PLEKHA5: variants seen among roughly 807,000 people sequenced by gnomAD.
PLEKHA5 encodes the protein pleckstrin homology domain-containing family A member 5.
Under a neutral mutation model 181.9 loss-of-function variants are expected in PLEKHA5, and 55 were observed. The observed-to-expected ratio is 0.30, with a 90% CI of 0.24 to 0.38. The LOEUF is 0.38. Among genes scored for constraint, PLEKHA5 ranks in the 10% least tolerant of loss-of-function variants. The probability of loss-of-function intolerance (pLI) is 1.00; values close to 1 mark genes in which losing one functional copy is unlikely to be tolerated. For missense variants in PLEKHA5, 1,432 were observed against 1,549.5 expected (o/e 0.92, Z 1.27); for synonymous variants, 535 against 529.4 (o/e 1.01, Z -0.15).
chr12:19,289,593 C>T (rs559170600), intron 13 of PLEKHA5, among the ~76,000 whole-genome samples: 1 of 152,138 alleles, frequency 6.6e-6, no homozygotes, highest in Admixed American at 6.5e-5. Context: ...ATAAGAATGC[C>T]AATGATCATA....
intron 28 of PLEKHA5, among the ~76,000 whole-genome samples, chr12:19,361,302 C>A (rs1322668425): frequency 6.6e-6 from 1 of 152,168 alleles, no homozygotes; most frequent in Non-Finnish European, 1.5e-5. Context: ...CCTGCCTCAG[C>A]CTCCCGAGTA....
intron 15 of PLEKHA5, among the ~76,000 whole-genome samples, chr12:19,310,547 T>G (rs1426588350): frequency 4.1e-5 from 6 of 146,364 alleles, no homozygotes; most frequent in African/African-American, 1.5e-4. Flanking sequence ...GAGGCAGAGG[T>G]TGAAGTGAGC....
At chr12:19,294,266 CTT>C (rs1485564571) in intron 15 of PLEKHA5, among the ~76,000 whole-genome samples, 2 of 152,032 alleles carry the variant, frequency 1.3e-5, no homozygotes, top group Admixed American at 6.6e-5. Flanking sequence ...ATTTAGATAA[CTT>C]TGAATTTTAA....
rs1213402959 is a variant in PLEKHA5, at chr12:19,314,900, GTC to G, written c.2118+8_2118+9del. The stretch of plus-strand genomic sequence containing the variant: ...GACCCCAACTGTACCAGCAAGTAAG[GTC>G]TTGGACAGTGAATGATACTGCTTTA... On this transcript the variant is annotated splice_region_variant and intron_variant, in intron 16 of 31. Transcript: ENST00000429027. 1.4e-6 allele frequency: 2 copies of G among 1,471,702 alleles called. No homozygotes were observed. Among genetic ancestry groups the G allele is most frequent in the African/African-American group, 2.8e-5 (2 of 71,428 alleles). 91.2% of individuals were successfully genotyped at this position (1,471,702 alleles called of 1,614,324 possible).
At chr12:19,375,387 T>A (rs2095691679) in intron 31 of PLEKHA5, 144 bp from the exon 32 acceptor site, 1 of 152,176 alleles carries the variant, frequency 6.6e-6, no homozygotes, top group Non-Finnish European at 1.5e-5. Flanking sequence ...AAGAAAAATA[T>A]CCTTTGATGT....
chr12:19,181,513 G>A (rs1215525013), intron 3 of PLEKHA5, among the ~76,000 whole-genome samples: 2 of 152,176 alleles, frequency 1.3e-5, no homozygotes, highest in African/African-American at 2.4e-5. Context: ...GGTGGCTAAC[G>A]CCTGTAATCT....
intron 15 of PLEKHA5, among the ~76,000 whole-genome samples, chr12:19,303,944 T>C (rs913917964): frequency 3.4e-5 from 5 of 149,010 alleles, no homozygotes; most frequent in Non-Finnish European, 6.0e-5. Context: ...GCCTCTCAAG[T>C]AACTGGGACC....
chr12:19,294,361 G>A (rs539676490), intron 15 of PLEKHA5, among the ~76,000 whole-genome samples: 17 of 152,112 alleles, frequency 1.1e-4, no homozygotes, highest in Non-Finnish European at 2.2e-4. Context: ...TACCAGGTCC[G>A]TTGCTTTTGT....
At chr12:19,203,331 G>A (rs1362683232) in intron 3 of PLEKHA5, among the ~76,000 whole-genome samples, 2 of 152,038 alleles carry the variant, frequency 1.3e-5, no homozygotes, top group African/African-American at 4.8e-5. Context: ...CCAGGGTATA[G>A]AACACTTCTT....
chr12:19,181,177 G>GT (rs1274008154), intron 3 of PLEKHA5, among the ~76,000 whole-genome samples: 1 of 152,126 alleles, frequency 6.6e-6, no homozygotes, highest in Non-Finnish European at 1.5e-5. Context: ...ATAGCACATT[G>GT]GATAGCCACA....
intron 3 of PLEKHA5, among the ~76,000 whole-genome samples, chr12:19,252,867 A>G (rs1166016516): frequency 6.6e-6 from 1 of 151,856 alleles, no homozygotes; most frequent in Non-Finnish European, 1.5e-5. Context: ...GTGCCCATAT[A>G]GTAGTACTGT....
At chr12:19,259,312 A>T (rs2067717082) in intron 6 of PLEKHA5, among the ~76,000 whole-genome samples, 1 of 152,066 alleles carries the variant, frequency 6.6e-6, no homozygotes, top group South Asian at 2.1e-4. Flanking sequence ...GCTTGCAGTG[A>T]GGTATGATCA....
Position 19,336,634 on chromosome 12 carries a change from TC to T in PLEKHA5, c.2550+19del. 7.3e-7 allele frequency: 1 copy of T among 1,369,358 alleles called. No individual in the cohort carries two copies. Among genetic ancestry groups the T allele is most frequent in the Non-Finnish European group, 1.0e-6 (1 of 961,612 alleles). 84.8% of individuals were successfully genotyped at this position (1,369,358 alleles called of 1,614,324 possible). A position where few individuals can be genotyped will look rare whatever the true frequency, so the allele number is the denominator to read the frequency against. On this transcript the variant is annotated intron_variant, in intron 21 of 31. Transcript: ENST00000429027. ...AAGTTCAGGTACAAAAGTATAATAT[TC>T]TTTATATTGTTTTAACTGTTTTTAC...
intron 15 of PLEKHA5, among the ~76,000 whole-genome samples, chr12:19,305,871 AAAAAAAAAAAAAAC>A (rs2083251433): frequency 7.5e-6 from 1 of 133,754 alleles, no homozygotes; most frequent in African/African-American, 2.9e-5. Context: ...CAAAAAAAAA[AAAAAAAAAAAAAAC>A]AACTATGAAG....
chr12:19,205,616 C>T (rs1289000326), intron 3 of PLEKHA5, among the ~76,000 whole-genome samples: 1 of 152,086 alleles, frequency 6.6e-6, no homozygotes, highest in East Asian at 1.9e-4. Context: ...TCTTATTCTT[C>T]TGAAATATTT....
chr12:19,348,598 T>C, intron 25 of PLEKHA5, 79 bp downstream of exon 25: 2 of 1,139,822 alleles, frequency 1.8e-6, no homozygotes, highest in Non-Finnish European at 2.4e-6. Context: ...GTAAATTCCA[T>C]TTACATGTTG....
At chr12:19,320,422 AC>A (rs2090341832) in intron 17 of PLEKHA5, 139 bp from the exon 18 acceptor site, 1 of 496,566 alleles carries the variant, frequency 2.0e-6, no homozygotes, top group South Asian at 3.4e-5. Flanking sequence ...TTTGAATTAA[AC>A]TTCTAAAAGT....
chr12:19,365,376 A>G (rs2095395299), intron 29 of PLEKHA5, among the ~76,000 whole-genome samples: 1 of 152,096 alleles, frequency 6.6e-6, no homozygotes, highest in Non-Finnish European at 1.5e-5. Context: ...AAAAAAAAAA[A>G]AAAAAATCTT....
intron 11 of PLEKHA5, among the ~76,000 whole-genome samples, chr12:19,280,256 G>A (rs2075758612): frequency 6.6e-6 from 1 of 151,766 alleles, no homozygotes; most frequent in African/African-American, 2.4e-5. Context: ...TTGCTATGTT[G>A]AACTCCTGAC....
Sources: gnomAD v4.1 joint callset for allele counts (sites outside exome capture counted in the v4.1 genomes callset) on GRCh38, gnomAD v4.1.1 for gene constraint, MANE v1.5 for transcripts, NCBI Gene and HGNC (gene_info 2026-07-23, HGNC 2026-07-21) for gene names.